Variants in ST3GAL3 observed in about 807,000 individuals in gnomAD.
ST3GAL3 encodes the protein CMP-N-acetylneuraminate-beta-1,4-galactoside alpha-2,3-sialyltransferase.
A neutral mutation model predicts 50.1 loss-of-function variants in ST3GAL3; 21 were observed. The ratio of observed to expected loss-of-function variants is 0.42; its 90% CI spans 0.30 to 0.60. ST3GAL3 has a LOEUF of 0.60. Among genes scored for constraint, ST3GAL3 ranks in the 20% least tolerant of loss-of-function variants. ST3GAL3 has a pLI of 0.19. For synonymous variants in ST3GAL3, 183 were observed against 190.0 expected (o/e 0.96, Z 0.30); for missense variants, 353 against 489.4 (o/e 0.72, Z 2.63).
rs186269198 is a variant in ST3GAL3, at chr1:43,739,859, T to A, written c.118+3479T>A. Among the ~76,000 whole-genome samples the A allele has an allele frequency of 1.0e-3, 155 of 152,330 alleles. 2 individuals carry two copies. The highest frequency in any genetic ancestry group is 3.5e-3 in the African/African-American group (147 of 41,574). ...TCAGGTTGCCAAGACTTGAGTCAAA[T>A]GCTTAATGTGAAAAGCTTCAAGTAT... On this transcript the variant is annotated intron_variant, in intron 2 of 11. Coordinates refer to ENST00000347631, the MANE Select transcript of ST3GAL3 (RefSeq NM_006279.5).
chr1:43,837,035 T>C (rs2064459730), intron 4 of ST3GAL3, among the ~76,000 whole-genome samples: 1 of 152,160 alleles, frequency 6.6e-6, no homozygotes, highest in Non-Finnish European at 1.5e-5. Flanking sequence ...AAGAAAGTTT[T>C]AGGGGTCTTC....
intron 2 of ST3GAL3, among the ~76,000 whole-genome samples, chr1:43,751,785 C>G (rs1686207187): frequency 6.6e-6 from 1 of 152,148 alleles, no homozygotes. Context: ...TCGTTATAAT[C>G]TAGCAACCTT....
intron 2 of ST3GAL3, among the ~76,000 whole-genome samples, chr1:43,748,767 A>T (rs1465713749): frequency 6.6e-6 from 1 of 151,996 alleles, no homozygotes; most frequent in East Asian, 1.9e-4. Context: ...TGAGGTTTTG[A>T]GTTGTTGCCC....
Position 43,769,694 on chromosome 1 carries a change from T to G in ST3GAL3, c.119-22408T>G, listed in dbSNP as rs16831166. Among the ~76,000 whole-genome samples, 498 of 152,336 alleles carry G rather than the reference T, an allele frequency of 3.3e-3. 2 individuals carry two copies. The highest frequency in any genetic ancestry group is 0.011 in the African/African-American group (472 of 41,562). On this transcript the variant is annotated intron_variant, in intron 2 of 11. Transcript: ENST00000347631. Reference sequence around the variant, plus strand: ...GCTTATTTCATTCACATACTCTCTTTGCTATCTTGAGAACTCCTGTAATTA... The same window carrying G: ...GCTTATTTCATTCACATACTCTCTTGGCTATCTTGAGAACTCCTGTAATTA...
chr1:43,910,514 T>G (rs3791111), intron 9 of ST3GAL3, among the ~76,000 whole-genome samples: 6,595 of 152,334 alleles, frequency 0.043, 170 homozygotes, highest in East Asian at 0.13. Context: ...CACACTGTGC[T>G]CATCTGCAAT....
In ST3GAL3 at chr1:43,792,003, T is replaced by G; in HGVS notation, c.119-99T>G. On this transcript the variant is annotated intron_variant, in intron 2 of 11. Coordinates refer to ENST00000347631, the MANE Select transcript of ST3GAL3 (RefSeq NM_006279.5). ...GCTGTTCGACTGAGTTCCCTTCCAGTTGACTCTGCTTTGAGGGAGGGTTTG... is the reference window on the plus strand; with the variant it reads ...GCTGTTCGACTGAGTTCCCTTCCAGGTGACTCTGCTTTGAGGGAGGGTTTG... 10 of 1,417,112 alleles carry G rather than the reference T, an allele frequency of 7.1e-6. No individual in the cohort carries two copies. In the South Asian group the frequency reaches 1.0e-4, roughly 15 times the overall value. 87.8% of individuals were successfully genotyped at this position (1,417,112 alleles called of 1,614,324 possible). A position where few individuals can be genotyped will look rare whatever the true frequency, so the allele number is the denominator to read the frequency against.
chr1:43,853,018 A>T (rs2067633075), intron 5 of ST3GAL3, among the ~76,000 whole-genome samples: 1 of 152,250 alleles, frequency 6.6e-6, no homozygotes, highest in African/African-American at 2.4e-5. Context: ...TTTAAAAAGA[A>T]AAAATATAAC....
intron 2 of ST3GAL3, among the ~76,000 whole-genome samples, chr1:43,767,393 G>C (rs1693487758): frequency 6.6e-6 from 1 of 152,136 alleles, no homozygotes; most frequent in South Asian, 2.1e-4. Flanking sequence ...GGTCACAAAG[G>C]TCCTTCTTTA....
chr1:43,748,814 C>A (rs1684912056), intron 2 of ST3GAL3, among the ~76,000 whole-genome samples: 1 of 151,932 alleles, frequency 6.6e-6, no homozygotes, highest in Admixed American at 6.6e-5. Context: ...AGTGAAGATC[C>A]TCATTCTTTC....
At chr1:43,726,657 C>T (rs575114003) in intron 1 of ST3GAL3, among the ~76,000 whole-genome samples, 7 of 152,252 alleles carry the variant, frequency 4.6e-5, no homozygotes, top group African/African-American at 1.4e-4. Context: ...TGCAGTGGCA[C>T]GATCTTGGCT....
At chr1:43,922,837 C>T (rs1340353586) in intron 11 of ST3GAL3, among the ~76,000 whole-genome samples, 5 of 142,648 alleles carry the variant, frequency 3.5e-5, no homozygotes, top group African/African-American at 1.3e-4. Flanking sequence ...CATGGTGGCT[C>T]ATGCCTGTAA....
At chr1:43,720,923 G>A (rs927074968) in intron 1 of ST3GAL3, among the ~76,000 whole-genome samples, 2 of 152,110 alleles carry the variant, frequency 1.3e-5, no homozygotes, top group Non-Finnish European at 2.9e-5. Context: ...ATATTCCTAG[G>A]ATGAAATAGT....
intron 2 of ST3GAL3, among the ~76,000 whole-genome samples, chr1:43,774,491 A>G (rs1470789791): frequency 1.3e-5 from 2 of 152,096 alleles, no homozygotes. Context: ...CTGATCGTGG[A>G]CTGGAGTTTT....
At position 43,817,343 on chromosome 1, in the gene ST3GAL3, C is replaced by T. The variant is rs77431012; in HGVS notation, c.209+2410C>T. Reference sequence around the variant, plus strand: ...TGCTTCTTCTTCTTCCTTCTTCCTTCTTCCTTCTTCTTCTTCTTCCTTCTT... The same window carrying T: ...TGCTTCTTCTTCTTCCTTCTTCCTTTTTCCTTCTTCTTCTTCTTCCTTCTT... On this transcript the variant is annotated intron_variant, in intron 4 of 11. Coordinates refer to ENST00000347631, the MANE Select transcript of ST3GAL3 (RefSeq NM_006279.5). Among the ~76,000 whole-genome samples, 338 of 151,752 alleles carry T rather than the reference C, an allele frequency of 2.2e-3. 3 individuals are homozygous for T. The highest frequency in any genetic ancestry group is 0.011 in the South Asian group (53 of 4,792).
At chr1:43,893,772 T>C (rs1218939385) in intron 5 of ST3GAL3, among the ~76,000 whole-genome samples, 1 of 152,110 alleles carries the variant, frequency 6.6e-6, no homozygotes, top group African/African-American at 2.4e-5. Flanking sequence ...CACCAGCAAA[T>C]GCACTCAAAT....
intron 3 of ST3GAL3, chr1:43,799,549 G>C (rs987510840): frequency 6.6e-6 from 1 of 152,160 alleles, no homozygotes; most frequent in Non-Finnish European, 1.5e-5. Flanking sequence ...AGGCAAATAG[G>C]CTCCCTCAGC....
chr1:43,771,558 C>T (rs1695183721), intron 2 of ST3GAL3, among the ~76,000 whole-genome samples: 1 of 152,190 alleles, frequency 6.6e-6, no homozygotes, highest in African/African-American at 2.4e-5. Context: ...GGGATTTCAA[C>T]GTGTTAGCCA....
At chr1:43,848,941 G>A (rs1014753313) in intron 5 of ST3GAL3, among the ~76,000 whole-genome samples, 1 of 152,158 alleles carries the variant, frequency 6.6e-6, no homozygotes, top group South Asian at 2.1e-4. Context: ...ATCCCACCAT[G>A]TATATTATTA....
rs555401351 is a variant in ST3GAL3 at position 43,815,122 on chromosome 1, G to A, written c.209+189G>A. The A allele has an allele frequency of 1.9e-5, 13 of 677,278 alleles. No individual in the cohort carries two copies. The African/African-American group carries it at 2.3e-4, about 12-fold the overall frequency. 42.0% of individuals were successfully genotyped at this position (677,278 alleles called of 1,614,324 possible). On this transcript the variant is annotated intron_variant, in intron 4 of 11. Transcript: ENST00000347631. ...CAGCGGCCAGAGAGGGTGGGATGAT[G>A]GGTGCAAACATAAGGCCTTCGATTT... is the stretch of plus-strand genomic sequence containing the variant.
Sources: allele counts gnomAD v4.1 joint callset (sites outside exome capture counted in the v4.1 genomes callset), GRCh38; gene constraint gnomAD v4.1.1; transcripts MANE v1.5; gene names NCBI Gene and HGNC (gene_info 2026-07-23, HGNC 2026-07-21).